Variants in MRPS27 observed in about 807,000 individuals in gnomAD.
MRPS27 encodes the protein mitochondrial ribosomal protein S27.
A neutral mutation model predicts 48.9 loss-of-function variants in MRPS27; 43 were observed. That is an observed-to-expected ratio of 0.88 (90% confidence interval 0.69 to 1.13). The LOEUF (loss-of-function observed/expected upper bound fraction) is 1.13. Among genes scored for constraint, MRPS27 ranks in the 50% most tolerant of loss-of-function variants. MRPS27 has a pLI of 0.00. For synonymous variants in MRPS27, 188 were observed against 171.9 expected, an observed-to-expected ratio of 1.09 and a Z score of -0.73; for missense variants, 467 against 476.3, an observed-to-expected ratio of 0.98 and a Z score of 0.18.
intron 2 of MRPS27, among the ~76,000 whole-genome samples, chr5:72,312,837 C>T (rs1050705493): frequency 2.0e-5 from 3 of 152,056 alleles, no homozygotes; most frequent in Non-Finnish European, 2.9e-5. Context: ...CCAGGTTGGT[C>T]TCAAACTCCT....
chr5:72,298,759 G>A (rs950776322), intron 2 of MRPS27, among the ~76,000 whole-genome samples: 2 of 146,116 alleles, frequency 1.4e-5, no homozygotes, highest in African/African-American at 2.5e-5. Flanking sequence ...ATTTGATTCA[G>A]CAATCCCATT....
chr5:72,240,504 T>G (rs1748320752), intron 4 of MRPS27, among the ~76,000 whole-genome samples: 1 of 152,186 alleles, frequency 6.6e-6, no homozygotes, highest in Admixed American at 6.5e-5. Flanking sequence ...AACCTAATAC[T>G]CATTTTAAAT....
chr5:72,238,760 AG>A (rs1371202882), intron 4 of MRPS27, among the ~76,000 whole-genome samples: 6 of 152,206 alleles, frequency 3.9e-5, no homozygotes, highest in African/African-American at 1.4e-4. Flanking sequence ...AGCTCCCCAC[AG>A]GGTCTTAAAA....
rs1016452332 is a variant in MRPS27, at chr5:72,317,458, G to A, written c.73+2691C>T. Among the ~76,000 whole-genome samples, 6 of 146,538 alleles carry A rather than the reference G, an allele frequency of 4.1e-5. No homozygotes were observed. In the Middle Eastern group the frequency reaches 0.012, roughly 291 times the overall value. ...GGCATGATCTCAGCTCACTGCAACC[G>A]GAAGGCGGAGGCCTTCCAGGTTCAA... On this transcript the variant is annotated intron_variant, in intron 1 of 10. Transcript: ENST00000261413.
intron 4 of MRPS27, among the ~76,000 whole-genome samples, chr5:72,279,567 A>G (rs1281395297): frequency 6.6e-6 from 1 of 152,136 alleles, no homozygotes; most frequent in Non-Finnish European, 1.5e-5. Context: ...GACCAGCCTG[A>G]GCAACACAGC....
intron 4 of MRPS27, among the ~76,000 whole-genome samples, chr5:72,246,704 T>G (rs1316879952): frequency 1.3e-5 from 2 of 152,172 alleles, no homozygotes; most frequent in African/African-American, 4.8e-5. Flanking sequence ...TATTGAGAAT[T>G]TACTAGCCCT....
At chr5:72,269,566 G>A (rs978122899) in intron 4 of MRPS27, among the ~76,000 whole-genome samples, 1 of 152,224 alleles carries the variant, frequency 6.6e-6, no homozygotes, top group Non-Finnish European at 1.5e-5. Flanking sequence ...CAGTGGAAGA[G>A]CAGAGAAAAT....
At chr5:72,232,147 G>A (rs952183056) in intron 7 of MRPS27, among the ~76,000 whole-genome samples, 1 of 152,082 alleles carries the variant, frequency 6.6e-6, no homozygotes, top group Non-Finnish European at 1.5e-5. Context: ...CTGCCTCTTT[G>A]ACATGCCATG....
chr5:72,269,627 T>C (rs1477893112), intron 4 of MRPS27, among the ~76,000 whole-genome samples: 3 of 152,204 alleles, frequency 2.0e-5, no homozygotes, highest in African/African-American at 7.2e-5. Flanking sequence ...AAAGATAGCA[T>C]ATTATATCAT....
At chr5:72,292,315 A>G (rs541212474) in intron 4 of MRPS27, among the ~76,000 whole-genome samples, 197 of 138,898 alleles carry the variant, frequency 1.4e-3, no homozygotes, top group African/African-American at 5.2e-3. Context: ...TGGTGTTTTC[A>G]TTTTTTATTT....
At chr5:72,292,487 T>C (rs563662372) in intron 4 of MRPS27, among the ~76,000 whole-genome samples, 1 of 152,324 alleles carries the variant, frequency 6.6e-6, no homozygotes, top group Non-Finnish European at 1.5e-5. Context: ...TCCCTAAACA[T>C]TTAAGCCTAT....
chr5:72,313,619 C>T (rs1268250228), intron 2 of MRPS27, among the ~76,000 whole-genome samples: 1 of 152,146 alleles, frequency 6.6e-6, no homozygotes, highest in Non-Finnish European at 1.5e-5. Context: ...AAGATGTTAA[C>T]CAACTATTTC....
chr5:72,309,813 GTATAAC>G (rs1473065688), intron 2 of MRPS27, among the ~76,000 whole-genome samples: 1 of 152,194 alleles, frequency 6.6e-6, no homozygotes, highest in African/African-American at 2.4e-5. Context: ...ACGCCTTGCT[GTATAAC>G]TATGAGTCCA....
intron 4 of MRPS27, among the ~76,000 whole-genome samples, chr5:72,251,232 C>T (rs1310430281): frequency 1.3e-5 from 2 of 152,142 alleles, no homozygotes; most frequent in African/African-American, 2.4e-5. Context: ...AGAACTGGGT[C>T]AGTAAGAGGG....
chr5:72,266,070 T>C (rs1242854492), intron 4 of MRPS27, among the ~76,000 whole-genome samples: 2 of 151,762 alleles, frequency 1.3e-5, no homozygotes, highest in Non-Finnish European at 2.9e-5. Context: ...GGGGAAGATA[T>C]AAGAAAGTGG....
At chr5:72,247,558 A>G (rs1748540483) in intron 4 of MRPS27, among the ~76,000 whole-genome samples, 1 of 152,202 alleles carries the variant, frequency 6.6e-6, no homozygotes, top group Non-Finnish European at 1.5e-5. Flanking sequence ...ATTGGCATCT[A>G]AAATTTCAAG....
intron 4 of MRPS27, among the ~76,000 whole-genome samples, chr5:72,289,091 G>A (rs531370605): frequency 1.3e-5 from 2 of 152,206 alleles, no homozygotes; most frequent in African/African-American, 2.4e-5. Flanking sequence ...CATGCAGGCT[G>A]CCATCTGCCT....
intron 4 of MRPS27, among the ~76,000 whole-genome samples, chr5:72,278,648 T>C (rs1749449503): frequency 6.6e-6 from 1 of 152,154 alleles, no homozygotes; most frequent in African/African-American, 2.4e-5. Flanking sequence ...CTTCACTTTA[T>C]AACATGTATC....
At chr5:72,263,315 T>A (rs1749031061) in intron 4 of MRPS27, among the ~76,000 whole-genome samples, 1 of 151,928 alleles carries the variant, frequency 6.6e-6, no homozygotes, top group African/African-American at 2.4e-5. Flanking sequence ...CTTAAAGCCA[T>A]AAAAGCCTCA....
Sources: gnomAD v4.1 joint callset for allele counts (sites outside exome capture counted in the v4.1 genomes callset) on GRCh38, gnomAD v4.1.1 for gene constraint, MANE v1.5 for transcripts, NCBI Gene and HGNC (gene_info 2026-07-23, HGNC 2026-07-21) for gene names.